DEF6: variants seen among roughly 807,000 people sequenced by gnomAD.
DEF6 encodes the protein DEF6 guanine nucleotide exchange factor, also known as differentially expressed in FDCP 6 homolog.
A neutral mutation model predicts 80.5 loss-of-function variants in DEF6; 32 were observed. The observed-to-expected ratio is 0.40, with a 90% CI of 0.30 to 0.53. DEF6 has a LOEUF of 0.53. DEF6 is among the 20% of genes least tolerant of loss of function. DEF6 has a pLI of 0.57. For synonymous variants in DEF6, 300 were observed against 337.9 expected (o/e 0.89, Z 1.23); for missense variants, 575 against 818.7 (o/e 0.70, Z 3.63).
At chr6:35,306,595 T>C (rs1297522524) in intron 1 of DEF6, among the ~76,000 whole-genome samples, 1 of 152,216 alleles carries the variant, frequency 6.6e-6, no homozygotes, top group Non-Finnish European at 1.5e-5. Flanking sequence ...CTAGATTCTT[T>C]CTGTATACAA....
chr6:35,298,860 C>G (rs1254020040), intron 1 of DEF6, among the ~76,000 whole-genome samples: 5 of 152,162 alleles, frequency 3.3e-5, no homozygotes, highest in African/African-American at 9.7e-5. Context: ...TTGAGTGCCC[C>G]TCGTGAGGCT....
chr6:35,316,433 T>C (rs1791526203), intron 5 of DEF6, among the ~76,000 whole-genome samples: 1 of 152,192 alleles, frequency 6.6e-6, no homozygotes, highest in African/African-American at 2.4e-5. Context: ...GAACTCCCAA[T>C]ACTACATGGA....
chr6:35,309,744 T>A lies in DEF6; in HGVS notation c.171T>A (p.Asp57Glu). Residue 57 changes from aspartate to glutamate, a missense_variant, in exon 2 of 11, where the codon GAT becomes GAA. Coordinates refer to ENST00000316637, the MANE Select transcript of DEF6 (RefSeq NM_022047.4). ...TGGCCCTGGAGGAACACTTCCGAGA[T>A]GATGATGACGGCCCTGTGTCCAGCC... ...DPVALEEHFRDDDDGPVSSQG... is the reference protein window; with the variant it reads ...DPVALEEHFREDDDGPVSSQG... 1 of 1,613,986 alleles carries A rather than the reference T, an allele frequency of 6.2e-7. No individual in the cohort carries two copies. The highest frequency in any genetic ancestry group is 8.5e-7 in the Non-Finnish European group (1 of 1,179,976).
chr6:35,310,682 G>A, intron 3 of DEF6, 38 bp downstream of exon 3: 13 of 1,611,710 alleles, frequency 8.1e-6, no homozygotes, highest in Non-Finnish European at 1.0e-5. Context: ...GAATCACTTG[G>A]GACCAGACCT....
rs371744858 is a variant in DEF6 at position 35,320,873 on chromosome 6, T to C, written c.1582-11T>C. 81 of 1,602,572 alleles carry C rather than the reference T, an allele frequency of 5.1e-5. 1 individual carries two copies. The African/African-American group carries it at 9.7e-4, about 19-fold the overall frequency. ...GGTTCTGATCACTCCCCACTGGCCC[T>C]GTCCCCACAGGCTGCCCAGAGAAAA... On this transcript the variant is annotated splice_polypyrimidine_tract_variant and intron_variant, in intron 9 of 10. Coordinates refer to ENST00000316637, the MANE Select transcript of DEF6 (RefSeq NM_022047.4).
rs934021142 is a variant in DEF6, at chr6:35,312,998, A to G, written c.807+226A>G. Among the ~76,000 whole-genome samples, 2 of 152,232 alleles carry G rather than the reference A, an allele frequency of 1.3e-5. No homozygotes were observed. Among genetic ancestry groups the G allele is most frequent in the Non-Finnish European group, 2.9e-5 (2 of 68,042 alleles). The stretch of plus-strand genomic sequence containing the variant: ...ACTCAAGCACCAAAGTAATTGGTGA[A>G]TAATATGGAATTTGCTCAAGATTTC... On this transcript the variant is annotated intron_variant, in intron 5 of 10. Coordinates refer to ENST00000316637, the MANE Select transcript of DEF6 (RefSeq NM_022047.4). This position sits in a 1 kb window ranked among gnomAD's most constrained non-coding sequence, Gnocchi z 6.6.
intron 5 of DEF6, chr6:35,313,516 C>T (rs1223417109): frequency 3.2e-6 from 1 of 311,926 alleles, no homozygotes; most frequent in East Asian, 1.0e-4. Flanking sequence ...TTATTGTAAA[C>T]TGTAGCCACC....
At chr6:35,315,474 A>G (rs185545728) in intron 5 of DEF6, among the ~76,000 whole-genome samples, 17 of 149,556 alleles carry the variant, frequency 1.1e-4, no homozygotes, top group African/African-American at 3.9e-4. Context: ...TTTTTTTTCT[A>G]TATCTATGAA....
At chr6:35,301,725 G>GTTTT (rs374755263) in intron 1 of DEF6, among the ~76,000 whole-genome samples, 2 of 40,982 alleles carry the variant, frequency 4.9e-5, no homozygotes, top group Non-Finnish European at 5.1e-5. Flanking sequence ...AAGGAGCTGT[G>GTTTT]TCTTTTTTTT....
intron 3 of DEF6, among the ~76,000 whole-genome samples, chr6:35,311,458 C>A (rs1791465927): frequency 6.6e-6 from 1 of 152,188 alleles, no homozygotes; most frequent in Admixed American, 6.5e-5. Flanking sequence ...AGCCCTGAAC[C>A]AGTGCCCTCT....
intron 3 of DEF6, 67 bp downstream of exon 3, chr6:35,310,711 G>A: frequency 6.4e-7 from 1 of 1,551,618 alleles, no homozygotes; most frequent in Non-Finnish European, 8.9e-7. Context: ...CCATGAATGA[G>A]ACCAAACCAC....
chr6:35,311,785 C>A (rs1156782133), intron 3 of DEF6, among the ~76,000 whole-genome samples: 1 of 152,218 alleles, frequency 6.6e-6, no homozygotes, highest in Admixed American at 6.5e-5. Context: ...TACCCCAAAT[C>A]CCCTTCCTCT....
intron 5 of DEF6, among the ~76,000 whole-genome samples, chr6:35,315,395 C>T (rs892709249): frequency 2.0e-5 from 3 of 152,006 alleles, no homozygotes; most frequent in Non-Finnish European, 2.9e-5. Context: ...ATGCCTCCAG[C>T]TTCGTTCTTT....
At chr6:35,303,168 A>G (rs537393171) in intron 1 of DEF6, among the ~76,000 whole-genome samples, 2 of 152,232 alleles carry the variant, frequency 1.3e-5, no homozygotes, top group Admixed American at 6.5e-5. Context: ...TTGTCCTACT[A>G]TCTGACAGCA....
chr6:35,312,278 C>T lies in DEF6; in HGVS notation c.424-24C>T. The T allele has an allele frequency of 6.2e-7, 1 of 1,603,418 alleles. No homozygotes were observed. The highest frequency in any genetic ancestry group is 1.1e-5 in the South Asian group (1 of 90,510). Reference sequence around the variant, plus strand: ...TGGCAACACCACCTGCTGCAGCTACCAGGCCTTCCTTCTCCTGCTCCAGGT... The same window carrying T: ...TGGCAACACCACCTGCTGCAGCTACTAGGCCTTCCTTCTCCTGCTCCAGGT... On this transcript the variant is annotated intron_variant, in intron 3 of 10. Transcript: ENST00000316637. The surrounding 1 kb of genome is among the most constrained non-coding windows in gnomAD (Gnocchi z 6.6).
chr6:35,318,492 C>G lies in DEF6; in HGVS notation c.1215+21C>G, dbSNP rs1410419395. The G allele has an allele frequency of 6.5e-6, 9 of 1,375,342 alleles. No individual in the cohort carries two copies. The highest frequency in any genetic ancestry group is 8.4e-6 in the Non-Finnish European group (9 of 1,072,630). 85.2% of individuals were successfully genotyped at this position (1,375,342 alleles called of 1,614,324 possible). ...AGCAGGTGGGGTTAGCTCCCGGCGC[C>G]GGGGACGGGACCGGTGGGCTGGGAG... On this transcript the variant is annotated intron_variant, in intron 7 of 10. Transcript: ENST00000316637. This position sits in a 1 kb window ranked among gnomAD's most constrained non-coding sequence, Gnocchi z 5.1.
rs770762509 is a variant in DEF6 at position 35,320,928 on chromosome 6, C to G, written c.1626C>G (p.His542Gln). 5 of 1,612,476 alleles carry G rather than the reference C, an allele frequency of 3.1e-6. No individual in the cohort carries two copies. Among genetic ancestry groups the G allele is most frequent in the Non-Finnish European group, 3.4e-6 (4 of 1,179,116 alleles). Residue 542 changes from histidine (H) to glutamine (Q), a missense_variant, in exon 10 of 11, where the codon CAC becomes CAG. Coordinates refer to ENST00000316637, the MANE Select transcript of DEF6 (RefSeq NM_022047.4). ...GCCAGGCCAGCACCAACGTGAAACACTGGAATGTCCAGATGAACCGGCTGA... is the reference window on the plus strand; with the variant it reads ...GCCAGGCCAGCACCAACGTGAAACAGTGGAATGTCCAGATGAACCGGCTGA... ...KLRQASTNVKHWNVQMNRLMH... is the reference protein window; with the variant it reads ...KLRQASTNVKQWNVQMNRLMH...
chr6:35,310,717 A>AGGTGGTTTGGTCT, intron 3 of DEF6, 73 bp downstream of exon 3: 3 of 1,528,148 alleles, frequency 2.0e-6, no homozygotes, highest in Non-Finnish European at 2.7e-6. Context: ...ATGAGACCAA[A>AGGTGGTTTGGTCT]CCACCTTTGG....
chr6:35,313,741 A>G (rs1026272548), intron 5 of DEF6, among the ~76,000 whole-genome samples: 1 of 152,250 alleles, frequency 6.6e-6, no homozygotes, highest in Non-Finnish European at 1.5e-5. Flanking sequence ...ACTTAACAAA[A>G]TGACCTATGG....
Sources: allele counts gnomAD v4.1 joint callset (sites outside exome capture counted in the v4.1 genomes callset), GRCh38; gene constraint gnomAD v4.1.1; non-coding constraint Gnocchi (gnomAD v3.1); transcripts MANE v1.5; gene names NCBI Gene and HGNC (gene_info 2026-07-23, HGNC 2026-07-21).